The following ACOT9 variants were observed in gnomAD, a reference collection of about 807,000 sequenced individuals.
ACOT9 encodes acyl-CoA thioesterase 9, also known as acyl-coenzyme A thioesterase 9, mitochondrial.
ACOT9 carries 34 observed loss-of-function variants against 39.7 expected under a neutral mutation model. The observed-to-expected ratio is 0.86, with a 90% CI of 0.65 to 1.14. ACOT9 has a LOEUF of 1.14. ACOT9 is among the 50% of genes most tolerant of loss of function. ACOT9 has a pLI of 0.00. For missense variants in ACOT9, 313 were observed against 344.1 expected (o/e 0.91, Z 0.71); for synonymous variants, 110 against 120.5 (o/e 0.91, Z 0.57).
At chrX:23,734,256 C>G in intron 3 of ACOT9, 85 bp downstream of exon 3, 1 of 810,342 alleles carries the variant, frequency 1.2e-6, no homozygotes, top group Non-Finnish European at 1.8e-6. Flanking sequence ...TTAGTTAATG[C>G]CACTGCCCAA....
rs1242167584 is a variant in ACOT9 at position 23,701,539 on chromosome X, G to C, written c.*2355C>G. Among the ~76,000 whole-genome samples the C allele has an allele frequency of 9.0e-6, 1 of 111,384 alleles. No homozygotes were observed. The highest frequency in any genetic ancestry group is 1.9e-5 in the Non-Finnish European group (1 of 53,066). ...CACCCAGACTGGAGTGCAGTGGCAT[G>C]ATCATAGCTCACTGCAGACTCAAAC... On this transcript the variant is annotated 3_prime_UTR_variant, in exon 16 of 16. Transcript: ENST00000379303.
At chrX:23,709,397 A>G (rs1277865086) in intron 9 of ACOT9, among the ~76,000 whole-genome samples, 2 of 111,676 alleles carry the variant, frequency 1.8e-5, no homozygotes, top group African/African-American at 6.5e-5. Context: ...CTGTCTTGAA[A>G]ACAAAAAACA....
rs1928545050 is a variant in ACOT9, at chrX:23,703,331, TAA to T, written c.*561_*562del. Reference sequence around the variant, plus strand: ...TGGTATCCTCAATTAATTAATTAATTAATTAATTTTTGAGACAGTCTCTCTCT... The same window carrying T: ...TGGTATCCTCAATTAATTAATTAATTTTAATTTTTGAGACAGTCTCTCTCT... On this transcript the variant is annotated 3_prime_UTR_variant, in exon 16 of 16. Coordinates refer to ENST00000379303, the MANE Select transcript of ACOT9 (RefSeq NM_001037171.2). 1 of 111,750 alleles carries T rather than the reference TAA, an allele frequency of 8.9e-6. No homozygotes were observed. Among genetic ancestry groups the T allele is most frequent in the Admixed American group, 9.6e-5 (1 of 10,451 alleles). 9.2% of individuals were successfully genotyped at this position (111,750 alleles called of 1,213,427 possible).
chrX:23,704,272 G>A (rs1219456130), intron 15 of ACOT9, among the ~76,000 whole-genome samples: 3 of 102,348 alleles, frequency 2.9e-5, no homozygotes, highest in South Asian at 4.7e-4. Flanking sequence ...CCAGGTTCAC[G>A]CCATTCTCCT....
intron 1 of ACOT9, among the ~76,000 whole-genome samples, chrX:23,736,624 G>T (rs770705196): frequency 2.7e-5 from 3 of 111,019 alleles, no homozygotes; most frequent in South Asian, 7.5e-4. Context: ...TTCAAGACCA[G>T]CCTGGGCAAC....
At chrX:23,722,508 G>A (rs1051491918) in intron 7 of ACOT9, among the ~76,000 whole-genome samples, 162 bp downstream of exon 7, 50 of 108,870 alleles carry the variant, frequency 4.6e-4, no homozygotes, top group Non-Finnish European at 3.4e-4. Flanking sequence ...AGGTTGCAGT[G>A]AGCCAAGATC....
Position 23,703,899 on chromosome X carries a change from G to T in ACOT9, c.1342C>A (p.Pro448Thr). The T allele has an allele frequency of 8.3e-7, 1 of 1,207,976 alleles. No individual in the cohort carries two copies. Among genetic ancestry groups the T allele is most frequent in the Non-Finnish European group, 1.1e-6 (1 of 892,518 alleles). The change falls in exon 16 of 16, where the codon CCC becomes ACC. Residue 448 changes from proline to threonine, a missense_variant. Coordinates refer to ENST00000379303, the MANE Select transcript of ACOT9 (RefSeq NM_001037171.2). ...ATLRKDYLVE[P>T] Reference sequence around the variant, plus strand: ...TTTCAACAAATGTGGTGTTCTTAGGGCTCCACAAGGTAGTCCTTTCTCAAG... The same window carrying T: ...TTTCAACAAATGTGGTGTTCTTAGGTCTCCACAAGGTAGTCCTTTCTCAAG...
chrX:23,737,223 G>C (rs1265286562), intron 1 of ACOT9, among the ~76,000 whole-genome samples: 1 of 111,231 alleles, frequency 9.0e-6, no homozygotes, highest in African/African-American at 3.3e-5. Context: ...TGAGGCAGGA[G>C]AATCGCTTGA....
chrX:23,716,162 G>A (rs1047742431), intron 8 of ACOT9, among the ~76,000 whole-genome samples: 15 of 111,788 alleles, frequency 1.3e-4, no homozygotes, highest in African/African-American at 4.2e-4. Flanking sequence ...AAAGGATTGA[G>A]CATGAAGTTA....
At chrX:23,724,947 AT>A (rs1341348622) in intron 6 of ACOT9, among the ~76,000 whole-genome samples, 1 of 111,181 alleles carries the variant, frequency 9.0e-6, no homozygotes, top group African/African-American at 3.3e-5. Context: ...AAAAAGAAAA[AT>A]AAATCTAGTA....
At chrX:23,712,061 A>G (rs148091599) in intron 9 of ACOT9, among the ~76,000 whole-genome samples, 1,456 of 111,604 alleles carry the variant, frequency 0.013, 27 homozygotes, top group African/African-American at 0.046. Context: ...AATAAGAAAC[A>G]ATAGGGGAAG....
rs1035591404 is a variant in ACOT9, at chrX:23,701,286, T to C, written c.*2608A>G. ...TCATAGGTAGATATGCAAAATGCTA[T>C]ATTGAAGGGCCAGGTAAATCTCAGT... On this transcript the variant is annotated 3_prime_UTR_variant, in exon 16 of 16. Coordinates refer to ENST00000379303, the MANE Select transcript of ACOT9 (RefSeq NM_001037171.2). Among the ~76,000 whole-genome samples, 10 of 111,130 alleles carry C rather than the reference T, an allele frequency of 9.0e-5. No homozygotes were observed. Among genetic ancestry groups the C allele is most frequent in the African/African-American group, 3.3e-4 (10 of 30,569 alleles).
At chrX:23,708,260 G>A (rs907229964) in intron 9 of ACOT9, among the ~76,000 whole-genome samples, 1 of 112,768 alleles carries the variant, frequency 8.9e-6, no homozygotes, top group Non-Finnish European at 1.9e-5. Context: ...CGGGCGTGGT[G>A]GCTCACGCCT....
At chrX:23,722,880 T>C in intron 6 of ACOT9, 127 bp from the exon 7 acceptor site, 3 of 416,767 alleles carry the variant, frequency 7.2e-6, no homozygotes, top group Non-Finnish European at 1.3e-5. Context: ...AATATTCCAT[T>C]GATCATCTTA....
chrX:23,710,770 A>G (rs951233245), intron 9 of ACOT9, among the ~76,000 whole-genome samples: 1 of 111,077 alleles, frequency 9.0e-6, no homozygotes, highest in Non-Finnish European at 1.9e-5. Context: ...TGGAGGTTGC[A>G]GTGAGCCGAG....
At chrX:23,725,106 GA>G (rs1929461583) in intron 6 of ACOT9, among the ~76,000 whole-genome samples, 1 of 111,292 alleles carries the variant, frequency 9.0e-6, no homozygotes, top group Non-Finnish European at 1.9e-5. Flanking sequence ...GGGCAGAAGG[GA>G]AGGGTAGAGA....
chrX:23,726,898 C>A (rs1463533750), intron 6 of ACOT9, among the ~76,000 whole-genome samples: 1 of 111,993 alleles, frequency 8.9e-6, no homozygotes, highest in African/African-American at 3.2e-5. Flanking sequence ...CAGCTCACTG[C>A]AACCTCTGCC....
chrX:23,721,611 C>A (rs942186799), intron 8 of ACOT9, among the ~76,000 whole-genome samples: 7 of 111,574 alleles, frequency 6.3e-5, no homozygotes, highest in African/African-American at 2.0e-4. Context: ...CTGTGAAATT[C>A]TCCTAGGCAG....
At chrX:23,719,687 C>T (rs1000562697) in intron 8 of ACOT9, among the ~76,000 whole-genome samples, 1 of 111,476 alleles carries the variant, frequency 9.0e-6, no homozygotes, top group African/African-American at 3.3e-5. Context: ...GGTTCGTGCT[C>T]CTATGAGAAT....
Sources: allele counts gnomAD v4.1 joint callset (sites outside exome capture counted in the v4.1 genomes callset), GRCh38; gene constraint gnomAD v4.1.1; transcripts MANE v1.5; gene names NCBI Gene and HGNC (gene_info 2026-07-23, HGNC 2026-07-21).